CREB5: variants seen among roughly 807,000 people sequenced by gnomAD.
CREB5 encodes the protein cyclic AMP-responsive element-binding protein 5.
CREB5 carries 19 observed loss-of-function variants against 57.1 expected under a neutral mutation model. The observed-to-expected ratio is 0.33, with a 90% CI of 0.23 to 0.49. The LOEUF is 0.49. CREB5 is among the 20% of genes least tolerant of loss of function. The probability of loss-of-function intolerance (pLI) is 0.99; values close to 1 mark genes in which losing one functional copy is unlikely to be tolerated. For missense variants in CREB5, 579 were observed against 671.6 expected (o/e 0.86, Z 1.52); for synonymous variants, 238 against 238.3 (o/e 1.00, Z 0.01).
intron 1 of CREB5, among the ~76,000 whole-genome samples, chr7:28,436,673 G>A (rs555009308): frequency 6.6e-6 from 1 of 151,974 alleles, no homozygotes; most frequent in Non-Finnish European, 1.5e-5. Flanking sequence ...AATTTCCAAG[G>A]CATTTTTTTT....
In CREB5 at chr7:28,818,098, G is replaced by A; in HGVS notation, c.1282G>A (p.Val428Met). The change falls in exon 10 of 11, where the codon GTG becomes ATG. Residue 428 changes from valine (V) to methionine (M), a missense_variant. By Grantham distance (21) the Val-to-Met change is conservative. Transcript: ENST00000357727. Reference protein sequence around the residue: ...QNEVSMLKNEVAQLKQLLLTH... With the variant: ...QNEVSMLKNEMAQLKQLLLTH... ...TGAAGTGTCTATGTTGAAAAATGAG[G>A]TGGCCCAGCTGAAACAGTTGTTGTT... 6.2e-7 allele frequency: 1 copy of A among 1,613,598 alleles called. No individual in the cohort carries two copies. The highest frequency in any genetic ancestry group is 1.1e-5 in the South Asian group (1 of 91,028).
At position 28,451,767 on chromosome 7, in the gene CREB5, C is replaced by A. The variant is rs139763177; in HGVS notation, c.4-36408C>A. Among the ~76,000 whole-genome samples the A allele has an allele frequency of 3.3e-5, 5 of 152,178 alleles. No homozygotes were observed. In the East Asian group the frequency reaches 9.7e-4, roughly 29 times the overall value. On this transcript the variant is annotated intron_variant, in intron 1 of 10. Coordinates refer to ENST00000357727, the MANE Select transcript of CREB5 (RefSeq NM_182898.4). Reference sequence around the variant, plus strand: ...GTCTAGAGAGTGTTGCTAAATTGATCTCTCCATCCTGGGTCCTGGGAACTT... The same window carrying A: ...GTCTAGAGAGTGTTGCTAAATTGATATCTCCATCCTGGGTCCTGGGAACTT...
chr7:28,350,838 C>A (rs551921460), intron 1 of CREB5, among the ~76,000 whole-genome samples: 152 of 152,234 alleles, frequency 1.0e-3, no homozygotes, highest in African/African-American at 3.4e-3. Context: ...GTGATAACTG[C>A]GCTGCTAGAT....
intron 1 of CREB5, among the ~76,000 whole-genome samples, chr7:28,352,464 C>A (rs1170476177): frequency 6.6e-6 from 1 of 152,164 alleles, no homozygotes; most frequent in African/African-American, 2.4e-5. Context: ...GATAAAGAAA[C>A]CTCTCTTGTA....
At chr7:28,489,176 C>T (rs552597878) in intron 2 of CREB5, among the ~76,000 whole-genome samples, 88 of 151,828 alleles carry the variant, frequency 5.8e-4, no homozygotes, top group African/African-American at 2.0e-3. Context: ...TCAGGTGTGG[C>T]GAGTTACAGT....
chr7:28,458,750 A>C (rs1369044222), intron 1 of CREB5, among the ~76,000 whole-genome samples: 1 of 152,158 alleles, frequency 6.6e-6, no homozygotes. Flanking sequence ...TAAAATATGG[A>C]TGTGATAGTA....
chr7:28,306,791 G>T (rs1232108739), intron 1 of CREB5, among the ~76,000 whole-genome samples: 5 of 151,564 alleles, frequency 3.3e-5, no homozygotes, highest in Non-Finnish European at 7.4e-5. Context: ...TCGATCTCCT[G>T]ACCTCGTGAT....
chr7:28,701,913 A>G (rs1481863972), intron 5 of CREB5, among the ~76,000 whole-genome samples: 1 of 152,272 alleles, frequency 6.6e-6, no homozygotes, highest in Admixed American at 6.5e-5. Context: ...ATTTATGAAG[A>G]CAAATACTGG....
At chr7:28,343,598 C>G (rs1331956221) in intron 1 of CREB5, among the ~76,000 whole-genome samples, 1 of 152,132 alleles carries the variant, frequency 6.6e-6, no homozygotes, top group East Asian at 1.9e-4. Flanking sequence ...TCTACATATA[C>G]CACATTTTCT....
intron 4 of CREB5, among the ~76,000 whole-genome samples, chr7:28,545,872 C>T (rs1794398999): frequency 1.3e-5 from 2 of 152,134 alleles, no homozygotes; most frequent in Admixed American, 1.3e-4. Context: ...TTACTTTTTT[C>T]ACGCAACATC....
chr7:28,401,176 A>G (rs1787453987), intron 1 of CREB5, among the ~76,000 whole-genome samples: 1 of 152,222 alleles, frequency 6.6e-6, no homozygotes, highest in South Asian at 2.1e-4. Flanking sequence ...CATTAAGATA[A>G]GAGCAACTTT....
chr7:28,759,780 G>A lies in CREB5; in HGVS notation c.702+35448G>A, dbSNP rs144176113. ...AGCTTTTCTCTGCTGCCGCAGCTCTGGGCAGTGGGAACCATTTGGAATTTA... is the reference window on the plus strand; with the variant it reads ...AGCTTTTCTCTGCTGCCGCAGCTCTAGGCAGTGGGAACCATTTGGAATTTA... On this transcript the variant is annotated intron_variant, in intron 7 of 10. Coordinates refer to ENST00000357727, the MANE Select transcript of CREB5 (RefSeq NM_182898.4). Among the ~76,000 whole-genome samples, 8 of 152,346 alleles carry A rather than the reference G, an allele frequency of 5.3e-5. No individual in the cohort carries two copies. In the East Asian group the frequency reaches 1.2e-3, roughly 22 times the overall value.
At chr7:28,468,172 T>C (rs527393769) in intron 1 of CREB5, among the ~76,000 whole-genome samples, 2 of 152,144 alleles carry the variant, frequency 1.3e-5, no homozygotes, top group East Asian at 3.9e-4. Context: ...GGGTAGGACA[T>C]AGGGGGCTCA....
chr7:28,429,201 A>G (rs1373729969), intron 1 of CREB5, among the ~76,000 whole-genome samples: 1 of 151,758 alleles, frequency 6.6e-6, no homozygotes, highest in Non-Finnish European at 1.5e-5. Flanking sequence ...TAATTTTTGT[A>G]TTTTTGTAGA....
intron 5 of CREB5, among the ~76,000 whole-genome samples, chr7:28,642,413 A>C (rs1389601689): frequency 6.6e-6 from 1 of 152,194 alleles, no homozygotes; most frequent in Non-Finnish European, 1.5e-5. Flanking sequence ...AAACTCCAGA[A>C]AGTGAGAAGC....
At chr7:28,339,177 T>G (rs1225820617) in intron 1 of CREB5, among the ~76,000 whole-genome samples, 1 of 152,134 alleles carries the variant, frequency 6.6e-6, no homozygotes, top group East Asian at 1.9e-4. Context: ...TCTTGATGCT[T>G]GTAGATGTTT....
intron 1 of CREB5, among the ~76,000 whole-genome samples, chr7:28,360,631 G>C (rs1786456248): frequency 1.3e-5 from 2 of 152,112 alleles, no homozygotes; most frequent in African/African-American, 4.8e-5. Flanking sequence ...GGAATAAATG[G>C]AATTTGAGGT....
At chr7:28,338,191 T>C (rs553725667) in intron 1 of CREB5, among the ~76,000 whole-genome samples, 6 of 152,334 alleles carry the variant, frequency 3.9e-5, no homozygotes, top group Admixed American at 6.5e-5. Flanking sequence ...TGTGTTTTTC[T>C]GCATACTTAC....
At chr7:28,790,436 G>A (rs1390581227) in intron 7 of CREB5, among the ~76,000 whole-genome samples, 1 of 57,214 alleles carries the variant, frequency 1.7e-5, no homozygotes, top group Non-Finnish European at 4.0e-5. Context: ...GAAAGAGAGA[G>A]AGAGAGAGAG....
Sources: allele counts gnomAD v4.1 joint callset (sites outside exome capture counted in the v4.1 genomes callset), GRCh38; gene constraint gnomAD v4.1.1; transcripts MANE v1.5; gene names NCBI Gene and HGNC (gene_info 2026-07-23, HGNC 2026-07-21).